Variants in NXPH4 observed in about 807,000 individuals in gnomAD.
NXPH4 encodes the protein neurexophilin-4.
A neutral mutation model predicts 21.3 loss-of-function variants in NXPH4; 8 were observed. That is an observed-to-expected ratio of 0.38 (90% CI 0.22 to 0.68). NXPH4 has a LOEUF of 0.68. Among genes scored for constraint, NXPH4 ranks in the 30% least tolerant of loss-of-function variants. The pLI, the probability that NXPH4 is intolerant of heterozygous loss-of-function variation, is 0.53. For missense variants in NXPH4, 418 were observed against 416.8 expected (o/e 1.00, Z -0.03); for synonymous variants, 219 against 192.6 (o/e 1.14, Z -1.13).
intron 1 of NXPH4, 127 bp from the exon 2 acceptor site, chr12:57,224,751 C>T: frequency 2.3e-6 from 1 of 436,542 alleles, no homozygotes; most frequent in Non-Finnish European, 4.0e-6. Context: ...GCTCCCTGCC[C>T]GCTGCGGGAC....
Position 57,225,573 on chromosome 12 carries a change from C to T in NXPH4, c.753C>T (p.Tyr251=), listed in dbSNP as rs767271429. The part of the protein sequence containing the change: ...NRARKHRPCL[Y]DPSQVCFTEH... ...CGCGCAAGCACCGACCGTGCCTGTACGACCCGTCGCAGGTGTGCTTCACCG... is the reference window on the plus strand; with the variant it reads ...CGCGCAAGCACCGACCGTGCCTGTATGACCCGTCGCAGGTGTGCTTCACCG... Residue 251 remains tyrosine, a synonymous_variant, in exon 2 of 2, where the codon TAC becomes TAT. Coordinates refer to ENST00000349394, the MANE Select transcript of NXPH4 (RefSeq NM_007224.4). 8 of 1,613,282 alleles carry T rather than the reference C, an allele frequency of 5.0e-6. No individual in the cohort carries two copies. In the East Asian group the frequency reaches 1.6e-4, roughly 31 times the overall value.
At chr12:57,224,681 A>G (rs1166046906) in intron 1 of NXPH4, among the ~76,000 whole-genome samples, 197 bp from the exon 2 acceptor site, 2 of 152,334 alleles carry the variant, frequency 1.3e-5, no homozygotes, top group East Asian at 3.9e-4. Flanking sequence ...GCCCAGATCC[A>G]TGAAGTGACT....
At position 57,225,146 on chromosome 12, in the gene NXPH4, G is replaced by A; in HGVS notation, c.326G>A (p.Gly109Glu). Residue 109 changes from glycine to glutamate, a missense_variant, in exon 2 of 2, where the codon GGG (glycine) becomes GAG (glutamate). Transcript: ENST00000349394. Reference protein sequence around the residue: ...AARAKKIFGWGDFYFRVHTLK... With the variant: ...AARAKKIFGWEDFYFRVHTLK... ...CGCGCCAAAAAGATCTTCGGCTGGGGGGACTTCTACTTTCGGGTGCATACC... is the reference window on the plus strand; with the variant it reads ...CGCGCCAAAAAGATCTTCGGCTGGGAGGACTTCTACTTTCGGGTGCATACC... The A allele has an allele frequency of 6.4e-7, 1 of 1,569,926 alleles. No individual in the cohort carries two copies. Among genetic ancestry groups the A allele is most frequent in the Non-Finnish European group, 8.6e-7 (1 of 1,158,118 alleles).
chr12:57,221,809 C>G (rs568555667), intron 1 of NXPH4, among the ~76,000 whole-genome samples: 48 of 152,324 alleles, frequency 3.2e-4, no homozygotes, highest in Admixed American at 1.7e-3. Flanking sequence ...GACAAGAGCT[C>G]TGGGCAGAGG....
At chr12:57,222,341 C>T (rs989936829) in intron 1 of NXPH4, among the ~76,000 whole-genome samples, 3 of 152,148 alleles carry the variant, frequency 2.0e-5, no homozygotes, top group African/African-American at 4.8e-5. Flanking sequence ...CCTGCTGAAC[C>T]TCCTCCCCTC....
At chr12:57,224,849 GTCTC>G (rs745896523) in intron 1 of NXPH4, 25 bp from the exon 2 acceptor site, 1 of 672,398 alleles carries the variant, frequency 1.5e-6, no homozygotes, top group Admixed American at 3.1e-5. Context: ...CAACCCCAGC[GTCTC>G]TCTCTCCTCT....
In NXPH4 at chr12:57,225,072, G is replaced by A; in HGVS notation, c.252G>A (p.Gly84=). Residue 84 remains glycine, a synonymous_variant, in exon 2 of 2, where the codon GGG becomes GGA. Coordinates refer to ENST00000349394, the MANE Select transcript of NXPH4 (RefSeq NM_007224.4). ...TGALARAGAA[G]ALPAQRTKRK... is the part of the protein sequence containing the mutation. Reference sequence around the variant, plus strand: ...CGCTGGCCCGGGCAGGGGCAGCCGGGGCGTTGCCCGCGCAGCGCACCAAGA... The same window carrying A: ...CGCTGGCCCGGGCAGGGGCAGCCGGAGCGTTGCCCGCGCAGCGCACCAAGA... The A allele has an allele frequency of 4.1e-6, 6 of 1,475,728 alleles. No homozygotes were observed. Among genetic ancestry groups the A allele is most frequent in the Non-Finnish European group, 5.4e-6 (6 of 1,111,774 alleles). The allele number at this position is 1,475,728 out of a possible 1,614,324, so 91.4% of individuals were successfully genotyped here.
At chr12:57,224,696 C>CAAG (rs1349656303) in intron 1 of NXPH4, among the ~76,000 whole-genome samples, 182 bp from the exon 2 acceptor site, 1 of 152,184 alleles carries the variant, frequency 6.6e-6, no homozygotes, top group Non-Finnish European at 1.5e-5. Flanking sequence ...GTGACTGGGC[C>CAAG]AAGACTACAT....
At chr12:57,217,109 C>A in intron 1 of NXPH4, 83 bp downstream of exon 1, 1 of 1,196,486 alleles carries the variant, frequency 8.4e-7, no homozygotes, top group Non-Finnish European at 1.2e-6. Flanking sequence ...GCTCCGTGCG[C>A]CCGCCCCGCC....
intron 1 of NXPH4, chr12:57,220,000 G>A (rs1489434589): frequency 6.5e-6 from 1 of 152,674 alleles, no homozygotes; most frequent in Non-Finnish European, 1.5e-5. Flanking sequence ...CCTCACAGGG[G>A]TCAGAGATGG....
At chr12:57,222,906 G>A (rs551208654) in intron 1 of NXPH4, among the ~76,000 whole-genome samples, 2 of 152,194 alleles carry the variant, frequency 1.3e-5, no homozygotes, top group African/African-American at 4.8e-5. Flanking sequence ...ACCCGGGATC[G>A]CAGCGTGGCG....
At chr12:57,217,384 C>G (rs2037051104) in intron 1 of NXPH4, among the ~76,000 whole-genome samples, 1 of 152,222 alleles carries the variant, frequency 6.6e-6, no homozygotes, top group African/African-American at 2.4e-5. Context: ...CAGTCTCGCT[C>G]GCCTGCCTCA....
chr12:57,217,653 G>A (rs1167252875), intron 1 of NXPH4, among the ~76,000 whole-genome samples: 3 of 152,168 alleles, frequency 2.0e-5, no homozygotes, highest in Non-Finnish European at 4.4e-5. Flanking sequence ...TGTCTGGAAG[G>A]GGAGTCTCTC....
intron 1 of NXPH4, among the ~76,000 whole-genome samples, chr12:57,221,752 C>T (rs2037094480): frequency 6.6e-6 from 1 of 152,208 alleles, no homozygotes; most frequent in Non-Finnish European, 1.5e-5. Flanking sequence ...AAGGGGGACC[C>T]CTCCTCGGAC....
intron 1 of NXPH4, among the ~76,000 whole-genome samples, chr12:57,217,345 A>G (rs1009856078): frequency 6.6e-6 from 1 of 152,212 alleles, no homozygotes; most frequent in African/African-American, 2.4e-5. Context: ...ACAAGCCAGC[A>G]GGGTGTCAGC....
rs7979061 is a variant in NXPH4 at position 57,225,426 on chromosome 12, C to T, written c.606C>T (p.Pro202=). ...GGATGGCAGCAGCAGCGGCGGGGCCCGGGCTTGGGGGCTCCCTCGGGGGCG... is the reference window on the plus strand; with the variant it reads ...GGATGGCAGCAGCAGCGGCGGGGCCTGGGCTTGGGGGCTCCCTCGGGGGCG... ...PLGMAAAAAG[P]GLGGSLGGAL... The change falls in exon 2 of 2, where the codon CCC becomes CCT. Residue 202 remains proline, a synonymous_variant. Coordinates refer to ENST00000349394, the MANE Select transcript of NXPH4 (RefSeq NM_007224.4). 6.2e-7 allele frequency: 1 copy of T among 1,603,168 alleles called. No individual in the cohort carries two copies. The highest frequency in any genetic ancestry group is 8.5e-7 in the Non-Finnish European group (1 of 1,177,852).
At chr12:57,224,737 G>T (rs561069332) in intron 1 of NXPH4, 141 bp from the exon 2 acceptor site, 4 of 421,466 alleles carry the variant, frequency 9.5e-6, no homozygotes, top group East Asian at 3.4e-5. Context: ...CTCCTCCAAG[G>T]CACGCTCCCT....
intron 1 of NXPH4, among the ~76,000 whole-genome samples, chr12:57,222,907 C>A (rs2037105400): frequency 6.6e-6 from 1 of 152,184 alleles, no homozygotes; most frequent in African/African-American, 2.4e-5. Context: ...CCCGGGATCG[C>A]AGCGTGGCGG....
intron 1 of NXPH4, among the ~76,000 whole-genome samples, chr12:57,222,022 C>T (rs776084823): frequency 1.2e-4 from 19 of 152,152 alleles, no homozygotes; most frequent in Admixed American, 6.5e-5. Flanking sequence ...GATGGAAAAA[C>T]AGCACAAGAG....
Sources: gnomAD v4.1 joint callset for allele counts (sites outside exome capture counted in the v4.1 genomes callset) on GRCh38, gnomAD v4.1.1 for gene constraint, MANE v1.5 for transcripts, NCBI Gene and HGNC (gene_info 2026-07-23, HGNC 2026-07-21) for gene names.